Variants in RGMB observed in about 807,000 individuals in gnomAD.
RGMB encodes repulsive guidance molecule BMP co-receptor b.
Under a neutral mutation model 26.9 loss-of-function variants are expected in RGMB, and 16 were observed. The observed-to-expected ratio is 0.60, with a 90% CI of 0.40 to 0.90. The LOEUF is 0.90. RGMB is among the 40% of genes least tolerant of loss of function. The pLI is 0.00. For missense variants in RGMB, 512 were observed against 573.3 expected, an observed-to-expected ratio of 0.89 and a Z score of 1.09; for synonymous variants, 225 against 229.3, an observed-to-expected ratio of 0.98 and a Z score of 0.17.
At chr5:98,788,266 A>G (rs1005235123) in intron 2 of RGMB, among the ~76,000 whole-genome samples, 1 of 152,220 alleles carries the variant, frequency 6.6e-6, no homozygotes, top group African/African-American at 2.4e-5. Flanking sequence ...TCCTAGTCCA[A>G]TAAAATTGTT....
chr5:98,774,324 G>A, intron 1 of RGMB, 118 bp downstream of exon 1: 1 of 1,042,918 alleles, frequency 9.6e-7, no homozygotes, highest in East Asian at 3.3e-5. Context: ...AACGGGAAAG[G>A]CCTCCCGAGC....
chr5:98,769,212 G>C (rs1746069678), upstream of RGMB: 1 of 152,474 alleles, frequency 6.6e-6, no homozygotes, highest in Non-Finnish European at 1.5e-5. Flanking sequence ...CCGCAGTGCC[G>C]GAATGAGCCG....
upstream of RGMB, chr5:98,768,741 T>C (rs1209029611): frequency 6.6e-6 from 1 of 152,266 alleles, no homozygotes; most frequent in African/African-American, 2.4e-5. Context: ...ACTGGCACCT[T>C]AGGTGGTCAG....
chr5:98,774,311 C>A, intron 1 of RGMB, 105 bp downstream of exon 1: 3 of 1,192,202 alleles, frequency 2.5e-6, no homozygotes, highest in Non-Finnish European at 2.2e-6. Flanking sequence ...GGCGGCGTGG[C>A]GCAACGGGAA....
At chr5:98,776,696 A>C (rs1368788291) in intron 1 of RGMB, among the ~76,000 whole-genome samples, 1 of 152,226 alleles carries the variant, frequency 6.6e-6, no homozygotes, top group Admixed American at 6.5e-5. Flanking sequence ...TCTGTAGCAG[A>C]AGGCTGTTGG....
intron 2 of RGMB, 145 bp from the exon 3 acceptor site, chr5:98,792,940 T>C: frequency 7.0e-6 from 4 of 573,922 alleles, no homozygotes; most frequent in Non-Finnish European, 1.2e-5. Context: ...ATATCCATTT[T>C]TGAGGTGCAA....
At chr5:98,770,529 G>A, upstream of RGMB, 1 of 724,480 alleles carries the variant, frequency 1.4e-6, no homozygotes, top group Non-Finnish European at 2.0e-6. Context: ...CCCCCCGCAA[G>A]CCCCGGGCTC....
intron 2 of RGMB, among the ~76,000 whole-genome samples, chr5:98,783,727 A>G (rs1279217978): frequency 1.3e-5 from 2 of 152,246 alleles, no homozygotes; most frequent in Admixed American, 6.5e-5. Flanking sequence ...CACTTTGCAA[A>G]TGTATTCCCA....
At position 98,796,159 on chromosome 5, in the gene RGMB, T is replaced by G. The variant is rs1747113634; in HGVS notation, c.*2406T>G. The stretch of plus-strand genomic sequence containing the variant: ...AAATGCTGCTTGCACATGTTGGTTC[T>G]TGAAACCTTAGCTAGAAGAATTTCA... On this transcript the variant is annotated 3_prime_UTR_variant, in exon 3 of 3. Transcript: ENST00000513185. 1 of 152,202 alleles carries G rather than the reference T, an allele frequency of 6.6e-6. No homozygotes were observed. The highest frequency in any genetic ancestry group is 2.1e-4 in the South Asian group (1 of 4,832). 9.4% of individuals were successfully genotyped at this position (152,202 alleles called of 1,614,324 possible).
chr5:98,769,435 C>T (rs540978513), upstream of RGMB: 7 of 152,524 alleles, frequency 4.6e-5, no homozygotes, highest in East Asian at 1.2e-3. Flanking sequence ...TCCCAGAGCT[C>T]ATTCTGGAGT....
At position 98,793,063 on chromosome 5, in the gene RGMB, T is replaced by G. The variant is rs776518378; in HGVS notation, c.646-22T>G. ...TGCTTCCTTCCCATTCTGTTAAACC[T>G]TGTACATGCTCCTTCCCACAGATCA... is the stretch of plus-strand genomic sequence containing the variant. On this transcript the variant is annotated intron_variant, in intron 2 of 2. Transcript: ENST00000513185. 3.8e-6 allele frequency: 6 copies of G among 1,565,000 alleles called. No individual in the cohort carries two copies. The East Asian group carries it at 1.1e-4, about 29-fold the overall frequency.
intron 1 of RGMB, among the ~76,000 whole-genome samples, chr5:98,774,870 C>T (rs1203347677): frequency 6.6e-6 from 1 of 152,154 alleles, no homozygotes; most frequent in Non-Finnish European, 1.5e-5. Context: ...ACCATGCTGC[C>T]TTCTGGAGGT....
chr5:98,792,985 C>A, intron 2 of RGMB, 100 bp from the exon 3 acceptor site: 1 of 908,540 alleles, frequency 1.1e-6, no homozygotes, highest in Non-Finnish European at 1.6e-6. Flanking sequence ...CCGCCTTAAG[C>A]CATTCAGCTT....
rs1285521948 is a variant in RGMB at position 98,795,302 on chromosome 5, C to A, written c.*1549C>A. On this transcript the variant is annotated 3_prime_UTR_variant, in exon 3 of 3. Transcript: ENST00000513185. ...CATAAACAGAAATAAAAGATACTAT[C>A]TTTACCGTAGTAGTTCAGGCCAAGA... The A allele has an allele frequency of 3.9e-5, 6 of 152,200 alleles. No homozygotes were observed. Among genetic ancestry groups the A allele is most frequent in the African/African-American group, 1.4e-4 (6 of 41,458 alleles). The allele number at this position is 152,200 out of a possible 1,614,324, so 9.4% of individuals were successfully genotyped here.
intron 2 of RGMB, among the ~76,000 whole-genome samples, chr5:98,783,930 T>C (rs533129045): frequency 6.6e-6 from 1 of 152,348 alleles, no homozygotes; most frequent in African/African-American, 2.4e-5. Flanking sequence ...GGTTGTATCC[T>C]TTTTCACCAC....
At position 98,777,731 on chromosome 5, in the gene RGMB, A is replaced by G. The variant is rs577265350; in HGVS notation, c.137-1849A>G. The stretch of plus-strand genomic sequence containing the variant: ...TGAAAATTATTTGATCTGCTTTGGA[A>G]AGAGAAATTCAGTAAATACTGGAGC... On this transcript the variant is annotated intron_variant, in intron 1 of 2. Coordinates refer to ENST00000513185, the MANE Select transcript of RGMB (RefSeq NM_001366508.1). Among the ~76,000 whole-genome samples, 19 of 152,350 alleles carry G rather than the reference A, an allele frequency of 1.2e-4. No homozygotes were observed. In the East Asian group the frequency reaches 3.5e-3, roughly 28 times the overall value.
chr5:98,784,152 G>A (rs1307290706), intron 2 of RGMB, among the ~76,000 whole-genome samples: 1 of 152,174 alleles, frequency 6.6e-6, no homozygotes, highest in Non-Finnish European at 1.5e-5. Flanking sequence ...TGACTGTTAG[G>A]CAGATGGACA....
rs1747128615 is a variant in RGMB, at chr5:98,796,352, G to T, written c.*2599G>T. On this transcript the variant is annotated 3_prime_UTR_variant, in exon 3 of 3. Transcript: ENST00000513185. ...CTTGGAAGCTCCCCCCCCCCCAACAGTGTGTCGAGTCTTTGCAAAGAAACC... is the reference window on the plus strand; with the variant it reads ...CTTGGAAGCTCCCCCCCCCCCAACATTGTGTCGAGTCTTTGCAAAGAAACC... The T allele has an allele frequency of 1.1e-5, 1 of 92,172 alleles. No homozygotes were observed. Among genetic ancestry groups the T allele is most frequent in the African/African-American group, 4.0e-5 (1 of 24,732 alleles). 5.7% of individuals were successfully genotyped at this position (92,172 alleles called of 1,614,324 possible). A position where few individuals can be genotyped will look rare whatever the true frequency, so the allele number is the denominator to read the frequency against.
At chr5:98,781,774 C>T (rs923683894) in intron 2 of RGMB, among the ~76,000 whole-genome samples, 2 of 152,168 alleles carry the variant, frequency 1.3e-5, no homozygotes, top group Non-Finnish European at 2.9e-5. Context: ...CATGTCACTT[C>T]TGTTATTCAG....
Sources: gnomAD v4.1 joint callset for allele counts (sites outside exome capture counted in the v4.1 genomes callset) on GRCh38, gnomAD v4.1.1 for gene constraint, MANE v1.5 for transcripts, NCBI Gene and HGNC (gene_info 2026-07-23, HGNC 2026-07-21) for gene names.